KCNK9: variants seen among roughly 807,000 people sequenced by gnomAD.
KCNK9 encodes potassium two pore domain channel subfamily K member 9.
In KCNK9, 1 loss-of-function variant was observed where a neutral mutation model predicts 10.8. The ratio of observed to expected loss-of-function variants is 0.09; its 90% CI spans 0.03 to 0.44. The LOEUF is 0.44. Ranked by LOEUF, KCNK9 falls within the 20% of genes least tolerant of loss-of-function variation. The pLI, the probability that KCNK9 is intolerant of heterozygous loss-of-function variation, is 0.97. For missense variants in KCNK9, 303 were observed against 515.0 expected (o/e 0.59, Z 3.98); for synonymous variants, 231 against 222.7 (o/e 1.04, Z -0.33).
chr8:139,615,446 C>A (rs548951060), downstream of KCNK9, among the ~76,000 whole-genome samples: 1 of 152,130 alleles, frequency 6.6e-6, no homozygotes, highest in Non-Finnish European at 1.5e-5. Flanking sequence ...CTGCCCTCCC[C>A]ACTCTGAGAC....
chr8:139,614,956 T>C (rs948216634), downstream of KCNK9, among the ~76,000 whole-genome samples: 4 of 152,208 alleles, frequency 2.6e-5, no homozygotes, highest in African/African-American at 4.8e-5. Context: ...TGGCTCTTCC[T>C]GAGCTCATTC....
chr8:139,624,935 G>C (rs1337894712), intron 1 of KCNK9, among the ~76,000 whole-genome samples: 1 of 152,226 alleles, frequency 6.6e-6, no homozygotes, highest in African/African-American at 2.4e-5. Context: ...CTCCTGAGCA[G>C]ACTCTGCGCT....
At chr8:139,657,763 C>T (rs977873647) in intron 1 of KCNK9, among the ~76,000 whole-genome samples, 1 of 152,210 alleles carries the variant, frequency 6.6e-6, no homozygotes, top group East Asian at 1.9e-4. Flanking sequence ...TTCATAAAAG[C>T]TTTGCATGAA....
chr8:139,645,062 C>T (rs73358052), intron 1 of KCNK9, among the ~76,000 whole-genome samples: 8,383 of 152,266 alleles, frequency 0.055, 756 homozygotes, highest in African/African-American at 0.19. Context: ...GCTTCCCTCC[C>T]GCACCGTGTA....
chr8:139,643,300 C>T (rs917193552), intron 1 of KCNK9, among the ~76,000 whole-genome samples: 21 of 152,356 alleles, frequency 1.4e-4, no homozygotes, highest in Admixed American at 6.5e-4. Context: ...CCGCGACCCC[C>T]GCCTGTCTGG....
downstream of KCNK9, among the ~76,000 whole-genome samples, chr8:139,613,027 G>A (rs1235874904): frequency 2.3e-4 from 35 of 152,184 alleles, no homozygotes; most frequent in Admixed American, 2.3e-3. Context: ...ACATTTTTGG[G>A]ACAATTGGGG....
At chr8:139,604,075 G>A (rs569773530) in intron 2 of KCNK9, among the ~76,000 whole-genome samples, 12 of 152,198 alleles carry the variant, frequency 7.9e-5, no homozygotes, top group African/African-American at 1.9e-4. Flanking sequence ...AGTGCAGGCC[G>A]TGAGACTAAT....
chr8:139,674,887 C>G (rs1563746467), intron 1 of KCNK9, among the ~76,000 whole-genome samples: 1 of 152,146 alleles, frequency 6.6e-6, no homozygotes, highest in Non-Finnish European at 1.5e-5. Context: ...CCTGGCACCC[C>G]AGGGACATGG....
chr8:139,644,142 A>G (rs1815596037), intron 1 of KCNK9, among the ~76,000 whole-genome samples: 1 of 152,210 alleles, frequency 6.6e-6, no homozygotes, highest in South Asian at 2.1e-4. Flanking sequence ...TGTAGGTGCC[A>G]TTATTGTCCC....
chr8:139,618,456 G>A lies in KCNK9; in HGVS notation c.927C>T (p.Gly309=), dbSNP rs755119136. 1 of 1,613,966 alleles carries A rather than the reference G, an allele frequency of 6.2e-7. No homozygotes were observed. The highest frequency in any genetic ancestry group is 8.5e-7 in the Non-Finnish European group (1 of 1,180,014). Reference sequence around the variant, plus strand: ...AGGAGTTCTGCGGTGCCACCGAGCGGCCGCCATAGTCCTGCGAGCGGTAGC... The same window carrying A: ...AGGAGTTCTGCGGTGCCACCGAGCGACCGCCATAGTCCTGCGAGCGGTAGC... ...CTCYRSQDYG[G]RSVAPQNSFS... is the part of the protein sequence containing the mutation. Residue 309 remains glycine (G), a synonymous_variant, in exon 2 of 2, where the codon GGC becomes GGT. Transcript: ENST00000520439. This position sits in a 1 kb window ranked among gnomAD's most constrained non-coding sequence, Gnocchi z 7.9.
intron 1 of KCNK9, among the ~76,000 whole-genome samples, chr8:139,687,284 C>T (rs754956488): frequency 1.3e-4 from 20 of 150,504 alleles, no homozygotes; most frequent in Non-Finnish European, 2.4e-4. Context: ...GAGGCTTCTA[C>T]TTCTATGCTA....
intron 1 of KCNK9, 70 bp from the exon 2 acceptor site, chr8:139,619,169 G>A (rs993297871): frequency 6.4e-7 from 1 of 1,566,852 alleles, no homozygotes; most frequent in Admixed American, 1.7e-5. Context: ...GGAAGGGAGG[G>A]TCGACTTGGT....
At chr8:139,609,837 C>T (rs1814364379), downstream of KCNK9, among the ~76,000 whole-genome samples, 1 of 152,098 alleles carries the variant, frequency 6.6e-6, no homozygotes, top group Non-Finnish European at 1.5e-5. Context: ...TCAGCCAGTC[C>T]TCCCCACACT....
chr8:139,607,261 ACT>A (rs1364354789), intron 2 of KCNK9, among the ~76,000 whole-genome samples: 9 of 151,996 alleles, frequency 5.9e-5, no homozygotes, highest in African/African-American at 9.7e-5. Flanking sequence ...CTGCTTCTAG[ACT>A]CTGTGCATCA....
intron 1 of KCNK9, among the ~76,000 whole-genome samples, chr8:139,690,493 C>T (rs1816915049): frequency 6.6e-6 from 1 of 152,168 alleles, no homozygotes; most frequent in African/African-American, 2.4e-5. Flanking sequence ...TATTTTAAAA[C>T]TGATGCTATT....
At chr8:139,620,351 C>T (rs1814739693) in intron 1 of KCNK9, among the ~76,000 whole-genome samples, 1 of 152,206 alleles carries the variant, frequency 6.6e-6, no homozygotes, top group Non-Finnish European at 1.5e-5. Flanking sequence ...TAGCTTGCTG[C>T]TTTACCTTGG....
intron 2 of KCNK9, among the ~76,000 whole-genome samples, chr8:139,607,290 T>C (rs554271745): frequency 7.9e-4 from 121 of 152,326 alleles, no homozygotes; most frequent in Non-Finnish European, 1.4e-3. Flanking sequence ...CTGTGGTCCA[T>C]GGGCATCTTA....
intron 1 of KCNK9, among the ~76,000 whole-genome samples, chr8:139,621,742 T>C (rs1293478457): frequency 6.6e-6 from 1 of 152,194 alleles, no homozygotes; most frequent in African/African-American, 2.4e-5. Context: ...AAGGCACATC[T>C]TGGCAAACAA....
rs2129827259 is a variant in KCNK9 at position 139,702,069 on chromosome 8, C to T, written c.283+641G>A. Among the ~76,000 whole-genome samples the T allele has an allele frequency of 6.6e-6, 1 of 152,306 alleles. No homozygotes were observed. The highest frequency in any genetic ancestry group is 1.9e-4 in the East Asian group (1 of 5,168). The stretch of plus-strand genomic sequence containing the variant: ...GCAATTGAGGGGCTGCCACCCCCAA[C>T]GCAAGCACCAGAGAGCAAACTCTCT... On this transcript the variant is annotated intron_variant, in intron 1 of 1. Transcript: ENST00000520439. This position sits in a 1 kb window ranked among gnomAD's most constrained non-coding sequence, Gnocchi z 7.5.
Sources: allele counts gnomAD v4.1 joint callset (sites outside exome capture counted in the v4.1 genomes callset), GRCh38; gene constraint gnomAD v4.1.1; non-coding constraint Gnocchi (gnomAD v3.1); transcripts MANE v1.5; gene names NCBI Gene and HGNC (gene_info 2026-07-23, HGNC 2026-07-21).